Variants in PRKCA observed in about 807,000 individuals in gnomAD.
PRKCA encodes protein kinase C alpha type.
Under a neutral mutation model 87.0 loss-of-function variants are expected in PRKCA, and 27 were observed. The ratio of observed to expected loss-of-function variants is 0.31; its 90% CI spans 0.23 to 0.43. The LOEUF (loss-of-function observed/expected upper bound fraction) is 0.43, where lower values mean the gene tolerates loss of function less well. PRKCA is among the 20% of genes least tolerant of loss of function. The probability of loss-of-function intolerance (pLI) is 1.00; values close to 1 mark genes in which losing one functional copy is unlikely to be tolerated. For missense variants in PRKCA, 518 were observed against 852.3 expected, an observed-to-expected ratio of 0.61 and a Z score of 4.88; for synonymous variants, 329 against 311.1, an observed-to-expected ratio of 1.06 and a Z score of -0.61.
chr17:66,666,565 T>C (rs1270005438), intron 5 of PRKCA, among the ~76,000 whole-genome samples: 1 of 152,248 alleles, frequency 6.6e-6, no homozygotes, highest in African/African-American at 2.4e-5. Context: ...TCCAGTAGTT[T>C]GTTGATTTCC....
chr17:66,302,839 G>A lies in PRKCA; in HGVS notation c.-13G>A. ...AGCTCCCCGGCGGAGGCAAGAGGTG[G>A]TTGGGGGGGACCATGGCTGACGTTT... On this transcript the variant is annotated 5_prime_UTR_variant, in exon 1 of 17. Coordinates refer to ENST00000413366, the MANE Select transcript of PRKCA (RefSeq NM_002737.3). The A allele has an allele frequency of 6.3e-7, 1 of 1,575,050 alleles. No homozygotes were observed. The highest frequency in any genetic ancestry group is 8.6e-7 in the Non-Finnish European group (1 of 1,161,480).
chr17:66,608,586 CA>C (rs1321020388), intron 3 of PRKCA, among the ~76,000 whole-genome samples: 1 of 152,142 alleles, frequency 6.6e-6, no homozygotes, highest in Non-Finnish European at 1.5e-5. Flanking sequence ...AAAAGGAATT[CA>C]GGGGTCCTCC....
rs1028457595 is a variant in PRKCA at position 66,689,818 on chromosome 17, C to T, written c.918+771C>T. Among the ~76,000 whole-genome samples, 3 of 152,158 alleles carry T rather than the reference C, an allele frequency of 2.0e-5. No homozygotes were observed. The highest frequency in any genetic ancestry group is 2.9e-5 in the Non-Finnish European group (2 of 68,002). ...CTAATCACCCTTCATTTTGGCTGTT[C>T]GAGGGACTCCTAGAGTAGCCTTTTC... On this transcript the variant is annotated intron_variant, in intron 8 of 16. Transcript: ENST00000413366. This position sits in a 1 kb window ranked among gnomAD's most constrained non-coding sequence, Gnocchi z 4.1.
intron 14 of PRKCA, chr17:66,777,829 C>A (rs1400861606): frequency 1.0e-6 from 1 of 985,288 alleles, no homozygotes; most frequent in Non-Finnish European, 1.2e-6. Flanking sequence ...TCTTGGCCAG[C>A]AGGAGACAAG....
chr17:66,788,446 T>C (rs56927489), intron 15 of PRKCA, among the ~76,000 whole-genome samples: 3,710 of 152,304 alleles, frequency 0.024, 121 homozygotes, highest in African/African-American at 0.078. Context: ...TGGCATCCTC[T>C]GTGATGCTAG....
chr17:66,568,291 A>G (rs1230765155), intron 3 of PRKCA, among the ~76,000 whole-genome samples: 2 of 152,160 alleles, frequency 1.3e-5, no homozygotes, highest in Non-Finnish European at 2.9e-5. Flanking sequence ...TCCAGCCTAG[A>G]CGACAGAATA....
intron 3 of PRKCA, among the ~76,000 whole-genome samples, chr17:66,630,725 T>G (rs1423987692): frequency 6.6e-6 from 1 of 152,170 alleles, no homozygotes; most frequent in African/African-American, 2.4e-5. Flanking sequence ...GAGCTAAAAT[T>G]ACATCTACAA....
chr17:66,748,122 A>G (rs777174614), intron 13 of PRKCA, among the ~76,000 whole-genome samples: 2 of 152,190 alleles, frequency 1.3e-5, no homozygotes, highest in Non-Finnish European at 2.9e-5. Flanking sequence ...TGGTTGCCTG[A>G]CCTGCAGCCA....
intron 2 of PRKCA, among the ~76,000 whole-genome samples, chr17:66,464,685 G>C (rs1252174948): frequency 6.6e-6 from 1 of 152,132 alleles, no homozygotes; most frequent in Non-Finnish European, 1.5e-5. Context: ...GAGATATCTG[G>C]TCTTGTGCCC....
intron 3 of PRKCA, among the ~76,000 whole-genome samples, chr17:66,574,575 G>T (rs527521809): frequency 1.3e-5 from 2 of 152,106 alleles, no homozygotes; most frequent in Admixed American, 1.3e-4. Flanking sequence ...TGTCAACTCT[G>T]TATAAGCAGG....
intron 2 of PRKCA, among the ~76,000 whole-genome samples, chr17:66,396,067 T>TTA (rs1910646680): frequency 6.6e-6 from 1 of 151,940 alleles, no homozygotes; most frequent in Admixed American, 6.6e-5. Context: ...TTTTTTTTTT[T>TTA]TAATTGAATA....
chr17:66,411,991 G>GA (rs906377943), intron 2 of PRKCA, among the ~76,000 whole-genome samples: 2 of 143,326 alleles, frequency 1.4e-5, no homozygotes, highest in African/African-American at 2.6e-5. Context: ...TATTTTTCAG[G>GA]AAAAAAAATC....
At chr17:66,443,754 G>C (rs1174619407) in intron 2 of PRKCA, among the ~76,000 whole-genome samples, 1 of 81,012 alleles carries the variant, frequency 1.2e-5, no homozygotes, top group Non-Finnish European at 2.8e-5. Context: ...GAAAGGGCAG[G>C]GGGAGAAGTT....
At chr17:66,690,275 G>A (rs925768943) in intron 8 of PRKCA, among the ~76,000 whole-genome samples, 1 of 152,222 alleles carries the variant, frequency 6.6e-6, no homozygotes, top group African/African-American at 2.4e-5. Flanking sequence ...ACAGACGAGT[G>A]AAATGATTCA....
intron 2 of PRKCA, among the ~76,000 whole-genome samples, chr17:66,368,594 G>A (rs2143521165): frequency 6.6e-6 from 1 of 151,232 alleles, no homozygotes; most frequent in African/African-American, 2.4e-5. Flanking sequence ...ATTGCGCTAT[G>A]TTGTCCAGGC....
chr17:66,634,813 T>C (rs1329019818), intron 3 of PRKCA, among the ~76,000 whole-genome samples: 1 of 152,230 alleles, frequency 6.6e-6, no homozygotes, highest in Non-Finnish European at 1.5e-5. Flanking sequence ...TAATCCTCAG[T>C]TCGGCAGCAT....
intron 5 of PRKCA, among the ~76,000 whole-genome samples, chr17:66,647,760 T>A (rs1598843048): frequency 6.6e-6 from 1 of 152,300 alleles, no homozygotes; most frequent in Admixed American, 6.5e-5. Context: ...TAGAGTCAGC[T>A]TAAGGAACAA....
chr17:66,555,570 G>C (rs1409954259), intron 3 of PRKCA, among the ~76,000 whole-genome samples: 1 of 152,054 alleles, frequency 6.6e-6, no homozygotes, highest in African/African-American at 2.4e-5. Context: ...AGTATATCTT[G>C]TAGAAATCCT....
Position 66,719,629 on chromosome 17 carries a change from T to C in PRKCA, c.919-13059T>C, listed in dbSNP as rs979932873. ...TAAAAATACAAAAATTAGCCAGGCA[T>C]GGTGACATGTTCCTGTAATCCCAGC... On this transcript the variant is annotated intron_variant, in intron 8 of 16. Coordinates refer to ENST00000413366, the MANE Select transcript of PRKCA (RefSeq NM_002737.3). 5.3e-5 allele frequency among the ~76,000 whole-genome samples: 8 copies of C among 152,128 alleles called. 1 individual carries two copies. Among genetic ancestry groups the C allele is most frequent in the Admixed American group, 4.6e-4 (7 of 15,278 alleles).
Sources: gnomAD v4.1 joint callset for allele counts (sites outside exome capture counted in the v4.1 genomes callset) on GRCh38, gnomAD v4.1.1 for gene constraint, Gnocchi (gnomAD v3.1) non-coding constraint, MANE v1.5 for transcripts, NCBI Gene and HGNC (gene_info 2026-07-23, HGNC 2026-07-21) for gene names.